The following KMO variants were observed in gnomAD, a reference collection of about 807,000 sequenced individuals.
KMO encodes the protein kynurenine 3-monooxygenase.
In KMO, 24 loss-of-function variants were observed where a neutral mutation model predicts 57.8. The ratio of observed to expected loss-of-function variants is 0.42; its 90% CI spans 0.30 to 0.58. The LOEUF is 0.58. Ranked by LOEUF, KMO falls within the 20% of genes least tolerant of loss-of-function variation. The pLI is 0.22. For synonymous variants in KMO, 210 were observed against 193.6 expected (o/e 1.08, Z -0.70); for missense variants, 483 against 588.2 (o/e 0.82, Z 1.85).
At chr1:241,552,509 T>A (rs2147951797) in intron 4 of KMO, among the ~76,000 whole-genome samples, 1 of 152,244 alleles carries the variant, frequency 6.6e-6, no homozygotes, top group Middle Eastern at 3.4e-3. Context: ...CGGGATTTCT[T>A]CACATCCCCG....
At chr1:241,587,014 T>G (rs1023513381) in intron 11 of KMO, among the ~76,000 whole-genome samples, 1 of 152,166 alleles carries the variant, frequency 6.6e-6, no homozygotes, top group African/African-American at 2.4e-5. Context: ...TTGGCAGAAA[T>G]AGGCTGCTTT....
intron 1 of KMO, among the ~76,000 whole-genome samples, chr1:241,540,674 A>G (rs1660926824): frequency 6.6e-6 from 1 of 152,204 alleles, no homozygotes; most frequent in African/African-American, 2.4e-5. Flanking sequence ...GTAAGAATCC[A>G]TTATGTCATA....
chr1:241,540,730 C>T (rs1054949442), intron 1 of KMO, among the ~76,000 whole-genome samples: 1 of 152,074 alleles, frequency 6.6e-6, no homozygotes, highest in Non-Finnish European at 1.5e-5. Flanking sequence ...AGCTAATAAA[C>T]AACTGTAAGA....
intron 1 of KMO, among the ~76,000 whole-genome samples, chr1:241,539,441 G>C (rs1223430604): frequency 1.3e-5 from 2 of 151,708 alleles, no homozygotes; most frequent in African/African-American, 4.9e-5. Flanking sequence ...CCTAAGCATG[G>C]CATTGCATTC....
chr1:241,563,276 T>A (rs10926517), intron 7 of KMO, among the ~76,000 whole-genome samples: 42,681 of 152,028 alleles, frequency 0.28, 6,349 homozygotes, highest in Middle Eastern at 0.35. Flanking sequence ...TAAGAAAAAA[T>A]TGCTAACAGA....
intron 3 of KMO, 154 bp downstream of exon 3, chr1:241,549,928 C>A (rs1661335156): frequency 1.7e-6 from 1 of 593,424 alleles, no homozygotes; most frequent in Non-Finnish European, 2.9e-6. Context: ...CGAAATTTGG[C>A]AAGAGGGTGA....
intron 1 of KMO, among the ~76,000 whole-genome samples, chr1:241,546,533 G>A (rs536744303): frequency 1.3e-5 from 2 of 152,258 alleles, no homozygotes; most frequent in East Asian, 3.9e-4. Flanking sequence ...CCAATAACTA[G>A]AGGCAGAAAG....
chr1:241,565,827 T>C (rs907649534), intron 8 of KMO, among the ~76,000 whole-genome samples: 23 of 152,140 alleles, frequency 1.5e-4, no homozygotes, highest in Admixed American at 1.2e-3. Context: ...TTTCTGTTGG[T>C]ATCTGTCCTG....
chr1:241,552,166 G>C (rs1207248730), intron 4 of KMO, among the ~76,000 whole-genome samples: 1 of 100,324 alleles, frequency 1.0e-5, no homozygotes, highest in Non-Finnish European at 2.2e-5. Flanking sequence ...GTGTGAGTGT[G>C]AGTGTGTGTG....
intron 10 of KMO, among the ~76,000 whole-genome samples, chr1:241,580,875 A>G (rs1215554875): frequency 6.6e-6 from 1 of 151,202 alleles, no homozygotes; most frequent in East Asian, 1.9e-4. Context: ...TTTCTTACAT[A>G]CTTTTTCTTT....
rs150174652 is a variant in KMO at position 241,589,699 on chromosome 1, A to G, written c.1099-313A>G. On this transcript the variant is annotated intron_variant, in intron 12 of 14. Transcript: ENST00000366559. Reference sequence around the variant, plus strand: ...CCAGGAAGCAACAGAAAATTAGACAAATCTTTGAGCTCACAGATTGCCTGC... The same window carrying G: ...CCAGGAAGCAACAGAAAATTAGACAGATCTTTGAGCTCACAGATTGCCTGC... Among the ~76,000 whole-genome samples the G allele has an allele frequency of 9.1e-3, 1,388 of 152,296 alleles. 23 individuals carry two copies. The highest frequency in any genetic ancestry group is 0.032 in the African/African-American group (1,337 of 41,552).
intron 1 of KMO, among the ~76,000 whole-genome samples, chr1:241,546,157 C>T (rs770641296): frequency 6.6e-6 from 1 of 152,222 alleles, no homozygotes; most frequent in South Asian, 2.1e-4. Context: ...CCAGTTTGCC[C>T]TTCTCCTGGG....
chr1:241,564,968 T>C lies in KMO; in HGVS notation c.616-19T>C. The C allele has an allele frequency of 6.5e-7, 1 of 1,530,248 alleles. No individual in the cohort carries two copies. Among genetic ancestry groups the C allele is most frequent in the Non-Finnish European group, 9.1e-7 (1 of 1,104,862 alleles). 94.8% of individuals were successfully genotyped at this position (1,530,248 alleles called of 1,614,324 possible). A position where few individuals can be genotyped will look rare whatever the true frequency, so the allele number is the denominator to read the frequency against. On this transcript the variant is annotated intron_variant, in intron 7 of 14. Coordinates refer to ENST00000366559, the MANE Select transcript of KMO (RefSeq NM_003679.5). ...GCTATATGAATGCACTAATCAATCA[T>C]ATATTCTTTTTTCTGCAGTATGCCA...
At chr1:241,574,726 TC>T (rs1461183931) in intron 10 of KMO, among the ~76,000 whole-genome samples, 1 of 152,010 alleles carries the variant, frequency 6.6e-6, no homozygotes, top group African/African-American at 2.4e-5. Context: ...TTGGTAGTTT[TC>T]TTTCTTTGTT....
intron 2 of KMO, 54 bp from the exon 3 acceptor site, chr1:241,549,623 C>G (rs1307072144): frequency 1.7e-6 from 2 of 1,175,234 alleles, no homozygotes; most frequent in African/African-American, 3.1e-5. Flanking sequence ...TTTTGCTCAT[C>G]CTGAGCTAGG....
chr1:241,549,206 A>G (rs148683250), intron 2 of KMO, among the ~76,000 whole-genome samples: 3,526 of 14,844 alleles, frequency 0.24, 61 homozygotes, highest in Non-Finnish European at 0.33. Flanking sequence ...GAAAAGGAAG[A>G]AAGAAAGAAA....
At position 241,566,583 on chromosome 1, in the gene KMO, C is replaced by T. The variant is rs754213712; in HGVS notation, c.780C>T (p.Tyr260=). Residue 260 remains tyrosine, a synonymous_variant, in exon 9 of 15, where the codon TAC becomes TAT. Coordinates refer to ENST00000366559, the MANE Select transcript of KMO (RefSeq NM_003679.5). ...ATGTGGTAGATTTCTTCCAGAAATA[C>T]TTTCCGGATGCCATCCCTCTAATTG... ...SNDVVDFFQK[Y]FPDAIPLIGE... 3.1e-6 allele frequency: 5 copies of T among 1,613,550 alleles called. No individual in the cohort carries two copies. The African/African-American group carries it at 5.3e-5, about 17-fold the overall frequency.
At chr1:241,559,752 C>T (rs927324452) in intron 5 of KMO, among the ~76,000 whole-genome samples, 2 of 152,062 alleles carry the variant, frequency 1.3e-5, no homozygotes, top group South Asian at 2.1e-4. Context: ...TTTTTATTTA[C>T]GTTTTTGACA....
intron 5 of KMO, 121 bp downstream of exon 5, chr1:241,555,781 A>G (rs1661593776): frequency 1.6e-6 from 1 of 608,280 alleles, no homozygotes; most frequent in Non-Finnish European, 3.0e-6. Flanking sequence ...GAGCAAGACT[A>G]TGTACACTAC....
Sources: allele counts gnomAD v4.1 joint callset (sites outside exome capture counted in the v4.1 genomes callset), GRCh38; gene constraint gnomAD v4.1.1; transcripts MANE v1.5; gene names NCBI Gene and HGNC (gene_info 2026-07-23, HGNC 2026-07-21).